Variants in OPCML observed in about 807,000 individuals in gnomAD.
OPCML encodes the protein opioid-binding protein/cell adhesion molecule.
OPCML carries 13 observed loss-of-function variants against 37.8 expected under a neutral mutation model. The ratio of observed to expected loss-of-function variants is 0.34; its 90% CI spans 0.22 to 0.55. The LOEUF is 0.55. OPCML is among the 20% of genes least tolerant of loss of function. OPCML has a pLI of 0.91. For synonymous variants in OPCML, 176 were observed against 168.8 expected (o/e 1.04, Z -0.33); for missense variants, 341 against 435.6 (o/e 0.78, Z 1.93).
chr11:133,465,219 T>C (rs570252468), intron 1 of OPCML, among the ~76,000 whole-genome samples: 38 of 152,170 alleles, frequency 2.5e-4, no homozygotes, highest in Non-Finnish European at 4.6e-4. Context: ...TCTGGCCCCT[T>C]CTTCACATCA....
intron 3 of OPCML, among the ~76,000 whole-genome samples, chr11:132,553,063 C>T (rs1010417308): frequency 1.7e-4 from 26 of 152,126 alleles, no homozygotes; most frequent in Non-Finnish European, 2.2e-4. Flanking sequence ...TACGCGCAGC[C>T]GAATTAAACA....
intron 1 of OPCML, among the ~76,000 whole-genome samples, chr11:133,423,729 A>G (rs79168982): frequency 0.09 from 13,654 of 152,208 alleles, 758 homozygotes; most frequent in East Asian, 0.16. Context: ...TCCCAATGTT[A>G]GAGGTAGGGC....
intron 3 of OPCML, among the ~76,000 whole-genome samples, chr11:132,593,370 T>C (rs774471859): frequency 6.6e-6 from 1 of 152,324 alleles, no homozygotes; most frequent in South Asian, 2.1e-4. Context: ...GCAAAGAGCA[T>C]GCATTGTATT....
At chr11:132,597,545 C>A (rs985470315) in intron 3 of OPCML, among the ~76,000 whole-genome samples, 1 of 152,188 alleles carries the variant, frequency 6.6e-6, no homozygotes, top group Admixed American at 6.5e-5. Context: ...TCAGTCAGGA[C>A]TTCGATCTCC....
chr11:133,066,229 C>T (rs1358747970), intron 1 of OPCML: 2 of 152,326 alleles, frequency 1.3e-5, no homozygotes, highest in African/African-American at 4.8e-5. Context: ...CAGAGGAAAC[C>T]AACTCTACAA....
intron 2 of OPCML, among the ~76,000 whole-genome samples, chr11:132,842,556 C>T (rs11223244): frequency 0.16 from 23,984 of 152,170 alleles, 2,362 homozygotes; most frequent in Non-Finnish European, 0.23. Flanking sequence ...CCTGCTGACA[C>T]CAGAATTTAA....
chr11:132,469,080 A>G (rs559872802), intron 4 of OPCML, among the ~76,000 whole-genome samples: 1 of 152,356 alleles, frequency 6.6e-6, no homozygotes, highest in Non-Finnish European at 1.5e-5. Context: ...AATTTTATTC[A>G]TTAGACAAAT....
At chr11:133,013,348 C>T (rs903267455) in intron 1 of OPCML, among the ~76,000 whole-genome samples, 5 of 152,214 alleles carry the variant, frequency 3.3e-5, no homozygotes, top group Admixed American at 1.3e-4. Flanking sequence ...CTAGTTCAAA[C>T]AATGCACATA....
intron 1 of OPCML, among the ~76,000 whole-genome samples, chr11:133,003,192 A>G (rs1218223408): frequency 2.0e-5 from 3 of 152,212 alleles, no homozygotes; most frequent in Non-Finnish European, 4.4e-5. Context: ...AAATTTCCAC[A>G]AACATGGTGG....
chr11:133,208,449 A>G lies in OPCML; in HGVS notation c.62-265439T>C, dbSNP rs977123363. Among the ~76,000 whole-genome samples the G allele has an allele frequency of 2.6e-5, 4 of 152,184 alleles. No homozygotes were observed. Among genetic ancestry groups the G allele is most frequent in the Non-Finnish European group, 1.5e-5 (1 of 68,028 alleles). ...CGCAGGATGTGGTGCAGAGTAAATC[A>G]TTAAATTTCTCTTGATCTCTCAATT... On this transcript the variant is annotated intron_variant, in intron 1 of 7. Coordinates refer to ENST00000524381, the MANE Select transcript of OPCML (RefSeq NM_001012393.5). This position sits in a 1 kb window ranked among gnomAD's most constrained non-coding sequence, Gnocchi z 8.9.
chr11:133,341,959 G>A (rs1029714910), intron 1 of OPCML, among the ~76,000 whole-genome samples: 4 of 151,940 alleles, frequency 2.6e-5, no homozygotes, highest in Admixed American at 6.6e-5. Context: ...CCTGTGAATC[G>A]GAACCAGGAA....
chr11:132,425,511 A>G (rs1405693062), intron 7 of OPCML, among the ~76,000 whole-genome samples: 2 of 152,220 alleles, frequency 1.3e-5, no homozygotes, highest in African/African-American at 2.4e-5. Flanking sequence ...AGTTCTATCT[A>G]CCCTTGCAGG....
chr11:133,387,738 G>A (rs184063145), intron 1 of OPCML, among the ~76,000 whole-genome samples: 5 of 152,162 alleles, frequency 3.3e-5, no homozygotes, highest in Non-Finnish European at 7.4e-5. Flanking sequence ...CTTGCGATTC[G>A]ACTGAAGAAG....
chr11:133,094,968 A>G (rs1948975452), intron 1 of OPCML, among the ~76,000 whole-genome samples: 1 of 152,036 alleles, frequency 6.6e-6, no homozygotes, highest in African/African-American at 2.4e-5. Flanking sequence ...GCTTGCTGGT[A>G]TTTCATATAC....
intron 1 of OPCML, among the ~76,000 whole-genome samples, chr11:133,148,082 A>G (rs1949923355): frequency 6.6e-6 from 1 of 152,140 alleles, no homozygotes; most frequent in African/African-American, 2.4e-5. Context: ...TCTGCCCCCA[A>G]ATAGCTGCCT....
intron 1 of OPCML, among the ~76,000 whole-genome samples, chr11:133,220,529 C>G (rs1222637067): frequency 6.6e-6 from 1 of 152,114 alleles, no homozygotes; most frequent in Non-Finnish European, 1.5e-5. Context: ...GAGGAGAGGT[C>G]TCCCTTGAAT....
At chr11:132,936,333 G>A (rs1945373705) in intron 2 of OPCML, among the ~76,000 whole-genome samples, 1 of 152,200 alleles carries the variant, frequency 6.6e-6, no homozygotes. Flanking sequence ...AGGAGCAAAT[G>A]CAGACTCTGA....
chr11:132,705,809 G>T (rs1283919993), intron 2 of OPCML, among the ~76,000 whole-genome samples: 1 of 151,866 alleles, frequency 6.6e-6, no homozygotes, highest in Non-Finnish European at 1.5e-5. Context: ...CCCAGTCTCG[G>T]GTATTTCTTT....
At chr11:133,441,458 G>A (rs114425525) in intron 1 of OPCML, among the ~76,000 whole-genome samples, 2,390 of 152,192 alleles carry the variant, frequency 0.016, 65 homozygotes, top group African/African-American at 0.055. Flanking sequence ...AATATGGACA[G>A]GATATACTAT....
Sources: allele counts gnomAD v4.1 joint callset (sites outside exome capture counted in the v4.1 genomes callset), GRCh38; gene constraint gnomAD v4.1.1; non-coding constraint Gnocchi (gnomAD v3.1); transcripts MANE v1.5; gene names NCBI Gene and HGNC (gene_info 2026-07-23, HGNC 2026-07-21).